The following AAR2 variants were observed in gnomAD, a reference collection of about 807,000 sequenced individuals.
AAR2 encodes the protein AAR2 splicing factor.
AAR2 carries 31 observed loss-of-function variants against 26.9 expected under a neutral mutation model. That is an observed-to-expected ratio of 1.15 (90% CI 0.86 to 1.55). AAR2 has a LOEUF of 1.55. Among genes scored for constraint, AAR2 ranks in the 40% most tolerant of loss-of-function variants. The pLI is 0.00. For missense variants in AAR2, 430 were observed against 491.3 expected (o/e 0.88, Z 1.18); for synonymous variants, 188 against 196.1 (o/e 0.96, Z 0.34).
intron 3 of AAR2, among the ~76,000 whole-genome samples, chr20:36,247,258 G>A (rs762274508): frequency 2.0e-5 from 3 of 152,092 alleles, no homozygotes; most frequent in African/African-American, 7.2e-5. Flanking sequence ...CCCTAGCCCC[G>A]GCCTTTTGGT....
At chr20:36,248,806 G>T (rs2064759041) in intron 3 of AAR2, among the ~76,000 whole-genome samples, 1 of 152,110 alleles carries the variant, frequency 6.6e-6, no homozygotes, top group African/African-American at 2.4e-5. Flanking sequence ...AGGGTGGAAG[G>T]TGGGGGCATT....
intron 3 of AAR2, among the ~76,000 whole-genome samples, chr20:36,245,987 T>G (rs2064730878): frequency 1.3e-5 from 2 of 152,214 alleles, no homozygotes; most frequent in South Asian, 4.1e-4. Context: ...ATCGTGCCAC[T>G]GCACTCCAGC....
Position 36,255,663 on chromosome 20 carries a change from AGT to A in AAR2, c.1074_1075del (p.Lys358AsnfsTer10). ...AAGTTCCAAGCTCACCTGACCAAGAAGTTCCGGTGGGACTTTGCTGCGGAACC... is the reference window on the plus strand; with the variant it reads ...AAGTTCCAAGCTCACCTGACCAAGAATCCGGTGGGACTTTGCTGCGGAACC... On this transcript the variant is annotated frameshift_variant, in exon 4 of 4. Transcript: ENST00000320849. LOFTEE classifies it high-confidence loss of function. The A allele has an allele frequency of 6.2e-7, 1 of 1,614,208 alleles. No individual in the cohort carries two copies. Among genetic ancestry groups the A allele is most frequent in the African/African-American group, 1.3e-5 (1 of 75,052 alleles).
rs533105488 is a variant in AAR2, at chr20:36,251,449, T to A, written c.988-4129T>A. Among the ~76,000 whole-genome samples the A allele has an allele frequency of 7.2e-5, 11 of 152,246 alleles. No homozygotes were observed. In the South Asian group the frequency reaches 2.3e-3, roughly 32 times the overall value. ...TTTTTTTTTTTAAGTCAACCCAGAC[T>A]ATGCCCTGTGTCCTGGAGGCTGCAG... On this transcript the variant is annotated intron_variant, in intron 3 of 3. Coordinates refer to ENST00000320849, the MANE Select transcript of AAR2 (RefSeq NM_001271874.2).
At position 36,251,473 on chromosome 20, in the gene AAR2, A is replaced by G. The variant is rs1026174135; in HGVS notation, c.988-4105A>G. ...CTATGCCCTGTGTCCTGGAGGCTGC[A>G]GAAGGGACAGTTTCAGAAGCACCTT... On this transcript the variant is annotated intron_variant, in intron 3 of 3. Transcript: ENST00000320849. 2.0e-4 allele frequency among the ~76,000 whole-genome samples: 30 copies of G among 152,134 alleles called. 1 individual carries two copies. Among genetic ancestry groups the G allele is most frequent in the African/African-American group, 7.2e-4 (30 of 41,426 alleles).
chr20:36,243,399 A>C (rs913782689), intron 2 of AAR2, among the ~76,000 whole-genome samples: 1 of 152,266 alleles, frequency 6.6e-6, no homozygotes, highest in African/African-American at 2.4e-5. Context: ...CACACAAATC[A>C]AACTTAGTTC....
At position 36,240,442 on chromosome 20, in the gene AAR2, C is replaced by G. The variant is rs2064667943; in HGVS notation, c.574C>G (p.Leu192Val). ...TGAGTGCAAAAGCTACCAAGAGGGC[C>G]TGGCCCGGCTACCAGAGATGAAGCC... ...GIECKSYQEG[L>V]ARLPEMKPRA... Residue 192 changes from leucine (L) to valine (V), a missense_variant, in exon 2 of 4, where the codon CTG becomes GTG. By Grantham distance (32) the Leu-to-Val change is conservative. Coordinates refer to ENST00000320849, the MANE Select transcript of AAR2 (RefSeq NM_001271874.2). 1 of 1,614,100 alleles carries G rather than the reference C, an allele frequency of 6.2e-7. No homozygotes were observed. Among genetic ancestry groups the G allele is most frequent in the Non-Finnish European group, 8.5e-7 (1 of 1,180,054 alleles).
At chr20:36,252,821 G>A (rs1216281573) in intron 3 of AAR2, among the ~76,000 whole-genome samples, 1 of 152,234 alleles carries the variant, frequency 6.6e-6, no homozygotes, top group African/African-American at 2.4e-5. Context: ...AGGGCCTCCA[G>A]AGCTAAAACT....
At chr20:36,244,631 AGTGATG>A (rs2064715355) in intron 2 of AAR2, 60 bp from the exon 3 acceptor site, 3 of 1,455,012 alleles carry the variant, frequency 2.1e-6, no homozygotes, top group Middle Eastern at 1.8e-4. Context: ...CCTTGTGAAT[AGTGATG>A]GAGAGTGTCA....
In AAR2 at chr20:36,255,558, T is replaced by A; in HGVS notation, c.988-20T>A. 1.2e-6 allele frequency: 2 copies of A among 1,614,028 alleles called. No homozygotes were observed. Among genetic ancestry groups the A allele is most frequent in the Non-Finnish European group, 1.7e-6 (2 of 1,179,910 alleles). On this transcript the variant is annotated intron_variant, in intron 3 of 3. Coordinates refer to ENST00000320849, the MANE Select transcript of AAR2 (RefSeq NM_001271874.2). Reference sequence around the variant, plus strand: ...TGCCCTCCGTCTTCTCAGGAGTGACTTATCCTCTGTTCTCTGTAGGTTTTC... The same window carrying A: ...TGCCCTCCGTCTTCTCAGGAGTGACATATCCTCTGTTCTCTGTAGGTTTTC...
Position 36,247,559 on chromosome 20 carries a change from T to A in AAR2, c.987+2633T>A, listed in dbSNP as rs565965115. Among the ~76,000 whole-genome samples, 38 of 149,736 alleles carry A rather than the reference T, an allele frequency of 2.5e-4. No homozygotes were observed. The South Asian group carries it at 4.2e-3, about 17-fold the overall frequency. On this transcript the variant is annotated intron_variant, in intron 3 of 3. Coordinates refer to ENST00000320849, the MANE Select transcript of AAR2 (RefSeq NM_001271874.2). ...ACAGGTTATGCTGTTTCATGCTTTT[T>A]AAAAAAAAAAATTGTTGTAAAAAAC...
chr20:36,249,917 C>T (rs945496875), intron 3 of AAR2, among the ~76,000 whole-genome samples: 3 of 152,182 alleles, frequency 2.0e-5, no homozygotes, highest in African/African-American at 4.8e-5. Flanking sequence ...CCTTCCTGGT[C>T]ATCATTGTGA....
intron 2 of AAR2, among the ~76,000 whole-genome samples, chr20:36,241,522 C>G (rs2064680440): frequency 6.6e-6 from 1 of 152,158 alleles, no homozygotes; most frequent in African/African-American, 2.4e-5. Flanking sequence ...TGTGGTGACT[C>G]ACACCTGTAA....
chr20:36,242,364 TTTGTTGTTGTTGTTGTTG>T (rs78763281), intron 2 of AAR2, among the ~76,000 whole-genome samples: 7 of 145,274 alleles, frequency 4.8e-5, no homozygotes, highest in East Asian at 2.0e-4. Context: ...AGGTACATCT[TTTGTTGTTGTTGTTGTTG>T]TTGTTGTTGT....
At chr20:36,255,530 C>A in intron 3 of AAR2, 48 bp from the exon 4 acceptor site, 1 of 1,606,036 alleles carries the variant, frequency 6.2e-7, no homozygotes, top group Non-Finnish European at 8.5e-7. Context: ...CTTTCTCGCC[C>A]CCTGCCCTCC....
intron 2 of AAR2, 138 bp downstream of exon 2, chr20:36,240,763 T>C: frequency 5.1e-6 from 6 of 1,182,096 alleles, no homozygotes; most frequent in South Asian, 3.2e-5. Context: ...GGTGTGTCTT[T>C]ACCCTTAGCC....
At chr20:36,255,528 C>T in intron 3 of AAR2, 50 bp from the exon 4 acceptor site, 1 of 1,602,184 alleles carries the variant, frequency 6.2e-7, no homozygotes, top group Non-Finnish European at 8.5e-7. Flanking sequence ...AGCTTTCTCG[C>T]CCCCTGCCCT....
intron 2 of AAR2, among the ~76,000 whole-genome samples, chr20:36,244,264 C>G (rs928613689): frequency 1.5e-4 from 23 of 152,284 alleles, no homozygotes; most frequent in African/African-American, 4.8e-4. Context: ...GCTACAGATA[C>G]GAAGGCCCCA....
chr20:36,238,656 T>C (rs1252579499), intron 1 of AAR2, among the ~76,000 whole-genome samples: 1 of 149,854 alleles, frequency 6.7e-6, no homozygotes, highest in Non-Finnish European at 1.5e-5. Flanking sequence ...CTTGGGAGGC[T>C]GAGGCACAAG....
Sources: allele counts gnomAD v4.1 joint callset (sites outside exome capture counted in the v4.1 genomes callset), GRCh38; gene constraint gnomAD v4.1.1; transcripts MANE v1.5; gene names NCBI Gene and HGNC (gene_info 2026-07-23, HGNC 2026-07-21).